CFAP69: variants seen among roughly 807,000 people sequenced by gnomAD.
CFAP69 encodes the protein cilia and flagella associated protein 69.
A neutral mutation model predicts 123.0 loss-of-function variants in CFAP69; 92 were observed. The ratio of observed to expected loss-of-function variants is 0.75; its 90% confidence interval spans 0.63 to 0.89. CFAP69 has a LOEUF of 0.89. Among genes scored for constraint, CFAP69 ranks in the 40% least tolerant of loss-of-function variants. The pLI, the probability that CFAP69 is intolerant of heterozygous loss-of-function variation, is 0.00. For synonymous variants in CFAP69, 380 were observed against 364.3 expected, an observed-to-expected ratio of 1.04 and a Z score of -0.49; for missense variants, 1,067 against 1,096.9, an observed-to-expected ratio of 0.97 and a Z score of 0.39.
At chr7:90,277,866 T>C (rs898855869) in intron 11 of CFAP69, among the ~76,000 whole-genome samples, 1 of 152,128 alleles carries the variant, frequency 6.6e-6, no homozygotes, top group Non-Finnish European at 1.5e-5. Context: ...CACTTCTGGC[T>C]TATCACCTAC....
intron 15 of CFAP69, among the ~76,000 whole-genome samples, chr7:90,294,180 CTAAA>C (rs1359338084): frequency 6.6e-6 from 1 of 152,134 alleles, no homozygotes; most frequent in African/African-American, 2.4e-5. Flanking sequence ...TCTAATGCTC[CTAAA>C]TAAATTGAAC....
intron 15 of CFAP69, among the ~76,000 whole-genome samples, chr7:90,295,780 C>T (rs1791852908): frequency 2.0e-5 from 3 of 152,086 alleles, no homozygotes; most frequent in Non-Finnish European, 2.9e-5. Flanking sequence ...GCTGGTTGCC[C>T]GTTTGTATGG....
chr7:90,274,544 T>A (rs1800450360), intron 9 of CFAP69, among the ~76,000 whole-genome samples: 1 of 152,204 alleles, frequency 6.6e-6, no homozygotes, highest in Admixed American at 6.5e-5. Flanking sequence ...AACTCTAGGC[T>A]GAAAAATGTT....
chr7:90,277,054 T>A lies in CFAP69; in HGVS notation c.985-19T>A, dbSNP rs1433172176. The A allele has an allele frequency of 2.0e-6, 3 of 1,513,476 alleles. No individual in the cohort carries two copies. Among genetic ancestry groups the A allele is most frequent in the African/African-American group, 2.8e-5 (2 of 71,312 alleles). The allele number at this position is 1,513,476 out of a possible 1,614,324, so 93.8% of individuals were successfully genotyped here. On this transcript the variant is annotated intron_variant, in intron 9 of 22. Coordinates refer to ENST00000389297, the MANE Select transcript of CFAP69 (RefSeq NM_001039706.3). ...TCTTATTCATTCATCTTTCTGCTTATTTTATGTATTTATATTAGGAATGTG... is the reference window on the plus strand; with the variant it reads ...TCTTATTCATTCATCTTTCTGCTTAATTTATGTATTTATATTAGGAATGTG...
Position 90,245,475 on chromosome 7 carries a change from C to G in CFAP69, c.51C>G (p.Ile17Met). Residue 17 changes from isoleucine to methionine, a missense_variant, in exon 1 of 23, where the codon ATC becomes ATG. Ile to Met is a conservative substitution (Grantham distance 10, BLOSUM62 1). Coordinates refer to ENST00000389297, the MANE Select transcript of CFAP69 (RefSeq NM_001039706.3). ...GATAEAQESG[I>M]RNKSSSSSQI... ...CCGCCGAGGCCCAGGAATCCGGCATCAGGAACAAGTCTAGCAGTTCCAGTC... is the reference window on the plus strand; with the variant it reads ...CCGCCGAGGCCCAGGAATCCGGCATGAGGAACAAGTCTAGCAGTTCCAGTC... 6.4e-7 allele frequency: 1 copy of G among 1,551,930 alleles called. No individual in the cohort carries two copies. Among genetic ancestry groups the G allele is most frequent in the Non-Finnish European group, 8.7e-7 (1 of 1,152,914 alleles).
chr7:90,286,224 G>C, intron 13 of CFAP69, 57 bp from the exon 14 acceptor site: 2 of 1,414,720 alleles, frequency 1.4e-6, no homozygotes, highest in South Asian at 2.9e-5. Flanking sequence ...AACAGTAATT[G>C]ATCAAAATAA....
At chr7:90,299,176 A>G (rs748509410) in intron 16 of CFAP69, among the ~76,000 whole-genome samples, 1 of 152,178 alleles carries the variant, frequency 6.6e-6, no homozygotes, top group Admixed American at 6.5e-5. Flanking sequence ...AAATAACAGT[A>G]TACTGTAAAA....
At chr7:90,288,126 T>C (rs1305467786) in intron 14 of CFAP69, 108 bp from the exon 15 acceptor site, 2 of 752,408 alleles carry the variant, frequency 2.7e-6, no homozygotes, top group Non-Finnish European at 4.2e-6. Context: ...CTAACAATGT[T>C]GCTGTATTTC....
At chr7:90,286,187 A>C (rs1790245456) in intron 13 of CFAP69, 94 bp from the exon 14 acceptor site, 6 of 1,067,784 alleles carry the variant, frequency 5.6e-6, no homozygotes, top group Non-Finnish European at 7.8e-6. Context: ...TTCTCTAGCC[A>C]AATAAACTTT....
At position 90,279,727 on chromosome 7, in the gene CFAP69, G is replaced by A. The variant is rs1031954820; in HGVS notation, c.1206G>A (p.Lys402=). 1.2e-6 allele frequency: 2 copies of A among 1,611,398 alleles called. No homozygotes were observed. Among genetic ancestry groups the A allele is most frequent in the Non-Finnish European group, 1.7e-6 (2 of 1,179,300 alleles). Residue 402 remains lysine (K), a synonymous_variant, in exon 12 of 23, where the codon AAG becomes AAA. Coordinates refer to ENST00000389297, the MANE Select transcript of CFAP69 (RefSeq NM_001039706.3). The part of the protein sequence containing the change: ...VILALFTYVK[K]PEKQKIIDWS... ...TGGCTTTGTTTACCTATGTTAAGAA[G>A]CCTGAGAAGCAAAAAATAATTGACT...
chr7:90,301,350 CA>C (rs1318649945), intron 17 of CFAP69: 1 of 151,858 alleles, frequency 6.6e-6, no homozygotes, highest in Non-Finnish European at 1.5e-5. Flanking sequence ...ATTTTAGGTT[CA>C]GGGGTACACA....
intron 17 of CFAP69, chr7:90,300,891 T>TC (rs2117348549): frequency 6.6e-6 from 1 of 152,610 alleles, no homozygotes; most frequent in East Asian, 1.9e-4. Context: ...GCTCAAGCGA[T>TC]CCACTCACCT....
At chr7:90,300,163 AG>A in intron 17 of CFAP69, 104 bp downstream of exon 17, 3 of 878,562 alleles carry the variant, frequency 3.4e-6, no homozygotes, top group Non-Finnish European at 4.2e-6. Context: ...CTTTGTCTAA[AG>A]TTTTTTTTTT....
At chr7:90,309,873 G>C (rs973190842) in intron 22 of CFAP69, among the ~76,000 whole-genome samples, 195 bp from the exon 23 acceptor site, 1 of 152,146 alleles carries the variant, frequency 6.6e-6, no homozygotes, top group Admixed American at 6.6e-5. Flanking sequence ...TTACAAAGCT[G>C]ATAAGCAATA....
chr7:90,262,903 A>T (rs2116765878), intron 4 of CFAP69, among the ~76,000 whole-genome samples: 1 of 152,204 alleles, frequency 6.6e-6, no homozygotes, highest in South Asian at 2.1e-4. Flanking sequence ...GTATTTTCTG[A>T]TATCTGAATA....
At chr7:90,282,367 C>T (rs866886216) in intron 12 of CFAP69, among the ~76,000 whole-genome samples, 28 of 152,190 alleles carry the variant, frequency 1.8e-4, no homozygotes, top group Middle Eastern at 6.8e-3. Context: ...GAAAAATTAA[C>T]TCATCTTATA....
the CFAP69 span, chr7:90,317,992 T>A: frequency 6.6e-6 from 1 of 152,184 alleles, no homozygotes; most frequent in Non-Finnish European, 1.5e-5. Context: ...GAACATATGG[T>A]TTGGTTTTTC....
intron 4 of CFAP69, among the ~76,000 whole-genome samples, chr7:90,265,047 C>G (rs1584367851): frequency 6.6e-6 from 1 of 152,138 alleles, no homozygotes; most frequent in East Asian, 1.9e-4. Context: ...CCACCTCGGC[C>G]TCCCAAGGCG....
intron 1 of CFAP69, among the ~76,000 whole-genome samples, chr7:90,246,477 T>C (rs1351028146): frequency 1.3e-5 from 2 of 152,208 alleles, no homozygotes; most frequent in Non-Finnish European, 2.9e-5. Context: ...GGAGAGTTCC[T>C]TGGGAGTGGT....
Sources: allele counts gnomAD v4.1 joint callset (sites outside exome capture counted in the v4.1 genomes callset), GRCh38; gene constraint gnomAD v4.1.1; transcripts MANE v1.5; gene names NCBI Gene and HGNC (gene_info 2026-07-23, HGNC 2026-07-21).